The following NFATC3 variants were observed in gnomAD, a reference collection of about 807,000 sequenced individuals.
The protein encoded by NFATC3 is nuclear factor of activated T cells 3.
In NFATC3, 46 loss-of-function variants were observed where a neutral mutation model predicts 98.6. The ratio of observed to expected loss-of-function variants is 0.47; its 90% confidence interval spans 0.37 to 0.60. The LOEUF (loss-of-function observed/expected upper bound fraction) is 0.60. Ranked by LOEUF, NFATC3 falls within the 20% of genes least tolerant of loss-of-function variation. The pLI is 0.00. For missense variants in NFATC3, 1,256 were observed against 1,295.5 expected (o/e 0.97, Z 0.47); for synonymous variants, 512 against 472.2 (o/e 1.08, Z -1.09).
intron 3 of NFATC3, among the ~76,000 whole-genome samples, chr16:68,137,125 T>A (rs2037459791): frequency 6.6e-6 from 1 of 152,176 alleles, no homozygotes; most frequent in African/African-American, 2.4e-5. Flanking sequence ...TTTTTCGCTT[T>A]ATAAGTTGTG....
At chr16:68,144,123 A>G (rs1049205237) in intron 3 of NFATC3, among the ~76,000 whole-genome samples, 3 of 152,238 alleles carry the variant, frequency 2.0e-5, no homozygotes, top group Non-Finnish European at 4.4e-5. Context: ...CATAGAATGT[A>G]TAAAGAACTC....
chr16:68,221,399 C>G (rs750291299), intron 9 of NFATC3: 3 of 1,484,172 alleles, frequency 2.0e-6, no homozygotes, highest in East Asian at 2.4e-5. Flanking sequence ...TGTGAAAGCA[C>G]TTTGTTGCAG....
intron 3 of NFATC3, among the ~76,000 whole-genome samples, chr16:68,156,606 A>G (rs1230306766): frequency 6.6e-6 from 1 of 152,202 alleles, no homozygotes; most frequent in Non-Finnish European, 1.5e-5. Context: ...TGATAGAGAA[A>G]AAAACCTTTG....
At chr16:68,110,505 G>A (rs1391826622) in intron 1 of NFATC3, among the ~76,000 whole-genome samples, 2 of 151,364 alleles carry the variant, frequency 1.3e-5, no homozygotes, top group East Asian at 1.9e-4. Flanking sequence ...TAGTAGAGAC[G>A]GGGTTTCATC....
intron 8 of NFATC3, among the ~76,000 whole-genome samples, chr16:68,186,506 C>G (rs960767251): frequency 3.3e-5 from 5 of 152,164 alleles, no homozygotes; most frequent in Non-Finnish European, 5.9e-5. Flanking sequence ...CACCACTGCA[C>G]TCCAGCCTGG....
chr16:68,181,635 A>C (rs936856074), intron 7 of NFATC3, 105 bp downstream of exon 7: 6 of 837,260 alleles, frequency 7.2e-6, no homozygotes, highest in Non-Finnish European at 1.1e-5. Context: ...TTGATTAATA[A>C]AAAAGTAAAA....
chr16:68,163,112 A>G (rs897067365), intron 4 of NFATC3, among the ~76,000 whole-genome samples: 5 of 152,230 alleles, frequency 3.3e-5, no homozygotes, highest in South Asian at 2.1e-4. Context: ...TACAGAACAA[A>G]ATGAAAAGTC....
At chr16:68,121,909 C>T in intron 1 of NFATC3, 78 bp from the exon 2 acceptor site, 1 of 1,450,302 alleles carries the variant, frequency 6.9e-7, no homozygotes, top group Non-Finnish European at 9.2e-7. Flanking sequence ...TTTACTTTCT[C>T]ATCTAGTAAT....
At position 68,191,020 on chromosome 16, in the gene NFATC3, C is replaced by T; in HGVS notation, c.2351C>T (p.Pro784Leu). ...VSKEQHMIPS[P>L]IVHQPFQVTP... ...AAAGAACAGCATATGATTCCTTCTC[C>T]AATTGTACACCAGCCTTTTCAAGTC... is the stretch of plus-strand genomic sequence containing the variant. Residue 784 changes from proline (P) to leucine (L), a missense_variant, in exon 9 of 10, where the codon CCA becomes CTA. By Grantham distance (98) the Pro-to-Leu change is moderately conservative. This residue lies in a region of NFATC3 where 636 missense variants were observed against 617.3 expected (regional missense o/e 1.03). Coordinates refer to ENST00000346183, the MANE Select transcript of NFATC3 (RefSeq NM_173165.3). The T allele has an allele frequency of 1.2e-6, 2 of 1,614,212 alleles. No individual in the cohort carries two copies. The highest frequency in any genetic ancestry group is 1.3e-5 in the African/African-American group (1 of 75,054).
chr16:68,104,897 G>A (rs544780260), intron 1 of NFATC3, among the ~76,000 whole-genome samples: 11 of 151,882 alleles, frequency 7.2e-5, no homozygotes, highest in Admixed American at 5.2e-4. Context: ...CTCATGATCC[G>A]CCCCTCTTGG....
chr16:68,108,520 A>G (rs1009470658), intron 1 of NFATC3, among the ~76,000 whole-genome samples: 3 of 152,118 alleles, frequency 2.0e-5, no homozygotes, highest in Non-Finnish European at 4.4e-5. Context: ...TGATGCCTCT[A>G]GCTGTGTTCT....
intron 1 of NFATC3, among the ~76,000 whole-genome samples, chr16:68,120,292 A>T (rs986271505): frequency 5.8e-4 from 87 of 150,920 alleles, no homozygotes; most frequent in African/African-American, 1.8e-3. Context: ...AAAAAAAAAA[A>T]AAAGTCCGGG....
intron 3 of NFATC3, among the ~76,000 whole-genome samples, chr16:68,127,700 A>AG (rs2036911152): frequency 6.6e-6 from 1 of 152,126 alleles, no homozygotes; most frequent in Non-Finnish European, 1.5e-5. Flanking sequence ...AAAAAAAAAA[A>AG]AAGGAATTCC....
intron 1 of NFATC3, among the ~76,000 whole-genome samples, chr16:68,092,324 G>A (rs943475059): frequency 4.0e-5 from 6 of 151,630 alleles, no homozygotes; most frequent in African/African-American, 1.5e-4. Context: ...GGATGTGGTG[G>A]CGGGCGCTGT....
intron 4 of NFATC3, among the ~76,000 whole-genome samples, chr16:68,164,292 G>A (rs2039076900): frequency 6.6e-6 from 1 of 152,216 alleles, no homozygotes. Context: ...ATCGCAGGCT[G>A]AGGCAGGAGA....
intron 6 of NFATC3, among the ~76,000 whole-genome samples, chr16:68,181,129 A>C (rs1325364838): frequency 6.6e-6 from 1 of 152,186 alleles, no homozygotes; most frequent in African/African-American, 2.4e-5. Context: ...CAACAGTGTA[A>C]AAGTGTTCCT....
chr16:68,222,307 A>T (rs1249303761), intron 9 of NFATC3, among the ~76,000 whole-genome samples: 1 of 136,466 alleles, frequency 7.3e-6, no homozygotes, highest in Non-Finnish European at 1.6e-5. Context: ...AAAAAAAAAA[A>T]AAAAAAAAAA....
At chr16:68,210,758 C>T (rs1324158050) in intron 9 of NFATC3, among the ~76,000 whole-genome samples, 1 of 152,016 alleles carries the variant, frequency 6.6e-6, no homozygotes, top group African/African-American at 2.4e-5. Flanking sequence ...CATCTATATT[C>T]ATAAAGAATA....
At chr16:68,178,363 C>T (rs1415430431) in intron 6 of NFATC3, among the ~76,000 whole-genome samples, 3 of 152,122 alleles carry the variant, frequency 2.0e-5, no homozygotes, top group African/African-American at 7.2e-5. Context: ...ATTAACTTCC[C>T]TTCAACCCTG....
Sources: gnomAD v4.1 joint callset for allele counts (sites outside exome capture counted in the v4.1 genomes callset) on GRCh38, gnomAD v4.1.1 for gene constraint, gnomAD v4.1.1 regional missense constraint, MANE v1.5 for transcripts, NCBI Gene and HGNC (gene_info 2026-07-23, HGNC 2026-07-21) for gene names.